CPQ: variants seen among roughly 807,000 people sequenced by gnomAD.
The protein encoded by CPQ is Ser-Met dipeptidase.
Under a neutral mutation model 45.7 loss-of-function variants are expected in CPQ, and 37 were observed. That is an observed-to-expected ratio of 0.81 (90% CI 0.62 to 1.07). The LOEUF (loss-of-function observed/expected upper bound fraction) is 1.07, where lower values mean the gene tolerates loss of function less well. Ranked by LOEUF, CPQ falls within the 50% of genes least tolerant of loss-of-function variation. The pLI, the probability that CPQ is intolerant of heterozygous loss-of-function variation, is 0.00. For synonymous variants in CPQ, 186 were observed against 205.8 expected, an observed-to-expected ratio of 0.90 and a Z score of 0.82; for missense variants, 537 against 572.9, an observed-to-expected ratio of 0.94 and a Z score of 0.64.
In CPQ at chr8:96,719,438, C is replaced by G. The variant is rs371501601; in HGVS notation, c.-34-65426C>G. Among the ~76,000 whole-genome samples the G allele has an allele frequency of 6.6e-5, 10 of 152,324 alleles. No homozygotes were observed. The East Asian group carries it at 1.6e-3, about 24-fold the overall frequency. ...CTCCAGCTGTTCCGCAAGCACCGCA[C>G]GCAGTCCCGGTTGCCACTCGCGCCT... On this transcript the variant is annotated intron_variant, in intron 1 of 7. Coordinates refer to ENST00000220763, the MANE Select transcript of CPQ (RefSeq NM_016134.4).
chr8:96,793,923 C>T (rs1810887343), intron 2 of CPQ, among the ~76,000 whole-genome samples: 1 of 152,226 alleles, frequency 6.6e-6, no homozygotes, highest in Admixed American at 6.5e-5. Flanking sequence ...ACATCTAGGT[C>T]ATGCCAATGC....
intron 7 of CPQ, among the ~76,000 whole-genome samples, chr8:97,094,298 A>G (rs1811176314): frequency 6.6e-6 from 1 of 152,204 alleles, no homozygotes; most frequent in Non-Finnish European, 1.5e-5. Flanking sequence ...CAGCTTTGGG[A>G]AAATCTCAAA....
intron 4 of CPQ, among the ~76,000 whole-genome samples, chr8:96,958,656 C>T (rs924193041): frequency 2.0e-5 from 3 of 152,168 alleles, no homozygotes; most frequent in African/African-American, 7.2e-5. Flanking sequence ...TCATGCGCCG[C>T]AGATAAATTA....
chr8:96,656,108 C>T (rs951801608), intron 1 of CPQ, among the ~76,000 whole-genome samples: 4 of 152,182 alleles, frequency 2.6e-5, no homozygotes, highest in African/African-American at 9.7e-5. Context: ...CTTACCTTGG[C>T]CTCCCAAAAT....
At chr8:96,880,028 C>T (rs1260493983) in intron 4 of CPQ, 23 bp downstream of exon 4, 2 of 1,594,526 alleles carry the variant, frequency 1.3e-6, no homozygotes, top group East Asian at 2.2e-5. Context: ...GAAGGCTGGC[C>T]TAAGAATACA....
chr8:96,778,652 A>G (rs1810646467), intron 1 of CPQ, among the ~76,000 whole-genome samples: 1 of 152,186 alleles, frequency 6.6e-6, no homozygotes, highest in African/African-American at 2.4e-5. Context: ...GAATTTGAAA[A>G]TACAGTCTAG....
At chr8:96,949,184 T>A (rs929275029) in intron 4 of CPQ, among the ~76,000 whole-genome samples, 1 of 152,056 alleles carries the variant, frequency 6.6e-6, no homozygotes, top group Non-Finnish European at 1.5e-5. Context: ...GTTTCATTAG[T>A]TGTTTTCTTT....
intron 5 of CPQ, among the ~76,000 whole-genome samples, chr8:96,989,542 A>G (rs1405357040): frequency 6.6e-6 from 1 of 151,564 alleles, no homozygotes; most frequent in Non-Finnish European, 1.5e-5. Context: ...GGAGAGGGGC[A>G]TGTGAGCTGG....
intron 1 of CPQ, among the ~76,000 whole-genome samples, chr8:96,745,828 G>A (rs1447330480): frequency 2.0e-5 from 3 of 152,160 alleles, no homozygotes; most frequent in Non-Finnish European, 2.9e-5. Flanking sequence ...TCCCATCACT[G>A]GGCATTTCTA....
chr8:97,054,427 G>T (rs566985216), intron 6 of CPQ, among the ~76,000 whole-genome samples: 2 of 152,096 alleles, frequency 1.3e-5, no homozygotes, highest in Non-Finnish European at 2.9e-5. Context: ...CTAGGTATCT[G>T]CCCAAAGGAA....
chr8:96,892,980 G>C (rs765804824), intron 4 of CPQ, among the ~76,000 whole-genome samples: 1 of 152,174 alleles, frequency 6.6e-6, no homozygotes, highest in Non-Finnish European at 1.5e-5. Flanking sequence ...TACATGGCAA[G>C]TGTATATGAC....
intron 1 of CPQ, among the ~76,000 whole-genome samples, chr8:96,721,777 C>T (rs1809767207): frequency 6.6e-6 from 1 of 152,174 alleles, no homozygotes; most frequent in African/African-American, 2.4e-5. Flanking sequence ...TCTCTCCAGC[C>T]TTGGCTTTCA....
chr8:96,903,818 G>A (rs1363767680), intron 4 of CPQ, among the ~76,000 whole-genome samples: 1 of 152,160 alleles, frequency 6.6e-6, no homozygotes, highest in African/African-American at 2.4e-5. Flanking sequence ...CTAGAGCAGA[G>A]GAAAGCCATA....
rs779794185 is a variant in CPQ at position 97,066,083 on chromosome 8, T to G, written c.1128T>G (p.Thr376=). ...GTFLPTGLQF[T]GSEKARAIME... ...TCTTACCCACTGGGCTGCAATTCAC[T>G]GGCAGTGAAAAGGCCAGGGCCATCA... The change falls in exon 7 of 8, where the codon ACT becomes ACG. Residue 376 remains threonine (T), a synonymous_variant. Transcript: ENST00000220763. The G allele has an allele frequency of 6.2e-7, 1 of 1,612,020 alleles. No homozygotes were observed.
At chr8:96,875,474 T>G (rs147774067) in intron 3 of CPQ, among the ~76,000 whole-genome samples, 1 of 152,024 alleles carries the variant, frequency 6.6e-6, no homozygotes, top group African/African-American at 2.4e-5. Context: ...GTTTTGTCTA[T>G]GGCATGATTT....
chr8:97,066,072 C>G lies in CPQ; in HGVS notation c.1117C>G (p.Leu373Val). ...SDAGTFLPTGLQFTGSEKARA... is the reference protein window; with the variant it reads ...SDAGTFLPTGVQFTGSEKARA... ...CGCAGGAACCTTCTTACCCACTGGG[C>G]TGCAATTCACTGGCAGTGAAAAGGC... Residue 373 changes from leucine (L) to valine (V), a missense_variant, in exon 7 of 8, where the codon CTG becomes GTG. By Grantham distance (32) the Leu-to-Val change is conservative. Transcript: ENST00000220763. The G allele has an allele frequency of 6.2e-7, 1 of 1,611,678 alleles. No individual in the cohort carries two copies. The highest frequency in any genetic ancestry group is 1.1e-5 in the South Asian group (1 of 90,626).
chr8:96,783,674 T>C (rs1406879855), intron 1 of CPQ, among the ~76,000 whole-genome samples: 1 of 152,172 alleles, frequency 6.6e-6, no homozygotes, highest in Admixed American at 6.5e-5. Flanking sequence ...TGCTATCCAA[T>C]AGAACTTTCT....
rs1563586980 is a variant in CPQ at position 97,122,992 on chromosome 8, TAAAATAAAATA to T, written c.1256-20027_1256-20017del. Among the ~76,000 whole-genome samples, 35 of 39,920 alleles carry T rather than the reference TAAAATAAAATA, an allele frequency of 8.8e-4. 3 individuals carry two copies. Among genetic ancestry groups the T allele is most frequent in the African/African-American group, 4.4e-3 (34 of 7,810 alleles). The allele number at this position is 39,920 out of a possible 152,430, so 26.2% of individuals were successfully genotyped here. A position where few individuals can be genotyped will look rare whatever the true frequency, so the allele number is the denominator to read the frequency against. On this transcript the variant is annotated intron_variant, in intron 7 of 7. Coordinates refer to ENST00000220763, the MANE Select transcript of CPQ (RefSeq NM_016134.4). The stretch of plus-strand genomic sequence containing the variant: ...AAAATAAAATAAAATTAAAATAAAA[TAAAATAAAATA>T]TAAAATAAAATAAAATAAAATAAAT...
intron 7 of CPQ, among the ~76,000 whole-genome samples, chr8:97,080,817 CTA>C (rs1810933929): frequency 6.6e-6 from 1 of 152,074 alleles, no homozygotes; most frequent in Admixed American, 6.6e-5. Context: ...TCTGTGAAAT[CTA>C]TTAGTTATGC....
Sources: gnomAD v4.1 joint callset for allele counts (sites outside exome capture counted in the v4.1 genomes callset) on GRCh38, gnomAD v4.1.1 for gene constraint, MANE v1.5 for transcripts, NCBI Gene and HGNC (gene_info 2026-07-23, HGNC 2026-07-21) for gene names.